HDLBP: variants seen among roughly 807,000 people sequenced by gnomAD.
HDLBP encodes the protein high density lipoprotein binding protein.
HDLBP carries 30 observed loss-of-function variants against 137.3 expected under a neutral mutation model. That is an observed-to-expected ratio of 0.22 (90% CI 0.16 to 0.30). The LOEUF (loss-of-function observed/expected upper bound fraction) is 0.30. Ranked by LOEUF, HDLBP falls within the 10% of genes least tolerant of loss-of-function variation. The probability of loss-of-function intolerance (pLI) is 1.00; values close to 1 mark genes in which losing one functional copy is unlikely to be tolerated. For synonymous variants in HDLBP, 606 were observed against 596.0 expected (o/e 1.02, Z -0.24); for missense variants, 1,119 against 1,667.3 (o/e 0.67, Z 5.73).
At chr2:241,282,614 A>C (rs972660189) in intron 1 of HDLBP, among the ~76,000 whole-genome samples, 1 of 152,228 alleles carries the variant, frequency 6.6e-6, no homozygotes, top group Non-Finnish European at 1.5e-5. Context: ...CCTCTTTTCC[A>C]ACAGCACATT....
chr2:241,283,962 G>A (rs2074709484), intron 1 of HDLBP, among the ~76,000 whole-genome samples: 1 of 151,792 alleles, frequency 6.6e-6, no homozygotes, highest in African/African-American at 2.4e-5. Context: ...AAGCCTGGAT[G>A]ACAGCACATC....
chr2:241,283,241 T>C (rs910941385), intron 1 of HDLBP, among the ~76,000 whole-genome samples: 4 of 152,200 alleles, frequency 2.6e-5, no homozygotes, highest in Non-Finnish European at 5.9e-5. Flanking sequence ...GTGAGGAAGC[T>C]GCAGGAAAAA....
Position 241,230,314 on chromosome 2 carries a change from A to G in HDLBP, c.3475-45T>C. ...TCAGATGAGGGGACTCCAAGCGAGG[A>G]AAAGGGTTAAAATTATGTGTCAATT... On this transcript the variant is annotated intron_variant, in intron 25 of 27. Coordinates refer to ENST00000310931, the MANE Select transcript of HDLBP (RefSeq NM_005336.6). The surrounding 1 kb of genome is among the most constrained non-coding windows in gnomAD (Gnocchi z 5.0). The G allele has an allele frequency of 8.8e-7, 1 of 1,141,098 alleles. No homozygotes were observed. Among genetic ancestry groups the G allele is most frequent in the Non-Finnish European group, 1.3e-6 (1 of 789,194 alleles). 70.7% of individuals were successfully genotyped at this position (1,141,098 alleles called of 1,614,324 possible).
intron 1 of HDLBP, among the ~76,000 whole-genome samples, chr2:241,297,857 G>A (rs1185780276): frequency 1.3e-5 from 2 of 151,606 alleles, no homozygotes; most frequent in South Asian, 2.1e-4. Flanking sequence ...GTTCAAGACC[G>A]GCCAACATGG....
intron 11 of HDLBP, among the ~76,000 whole-genome samples, 180 bp downstream of exon 11, chr2:241,252,777 C>T (rs565402058): frequency 6.6e-6 from 1 of 152,296 alleles, no homozygotes; most frequent in East Asian, 1.9e-4. Context: ...AACCACTGCA[C>T]CAAAGGGAAA....
intron 13 of HDLBP, 22 bp downstream of exon 13, chr2:241,248,222 G>T (rs1269942393): frequency 1.3e-6 from 2 of 1,591,126 alleles, no homozygotes; most frequent in Non-Finnish European, 1.7e-6. Flanking sequence ...TAGAGTTACA[G>T]AATGTCTCTG....
In HDLBP at chr2:241,229,295, C is replaced by T; in HGVS notation, c.*306G>A. ...ATCCTAGCCACGGCTGCGGAGCTCT[C>T]GTGATGAAGGCCAGAGTGCTGACTG... On this transcript the variant is annotated 3_prime_UTR_variant, in exon 28 of 28. Coordinates refer to ENST00000310931, the MANE Select transcript of HDLBP (RefSeq NM_005336.6). 2 of 316,696 alleles carry T rather than the reference C, an allele frequency of 6.3e-6. No individual in the cohort carries two copies. The highest frequency in any genetic ancestry group is 8.7e-5 in the East Asian group (1 of 11,454). 19.6% of individuals were successfully genotyped at this position (316,696 alleles called of 1,614,324 possible).
Position 241,242,863 on chromosome 2 carries a change from C to G in HDLBP, c.1951-185G>C, listed in dbSNP as rs1559492575. On this transcript the variant is annotated intron_variant, in intron 16 of 27. Transcript: ENST00000310931. ...GACCTGCACGGGGGAGGAGAGTGCA[C>G]GTCCTGGGGAGAGTGGGGTGCGCCC... 4 of 609,728 alleles carry G rather than the reference C, an allele frequency of 6.6e-6. No individual in the cohort carries two copies. In the Admixed American group the frequency reaches 8.1e-5, roughly 12 times the overall value. The allele number at this position is 609,728 out of a possible 1,614,324, so 37.8% of individuals were successfully genotyped here. A position where few individuals can be genotyped will look rare whatever the true frequency, so the allele number is the denominator to read the frequency against.
chr2:241,267,822 G>A (rs943961270), intron 2 of HDLBP: 28 of 1,460,146 alleles, frequency 1.9e-5, no homozygotes, highest in Non-Finnish European at 2.3e-5. Flanking sequence ...CCCTCCAGGT[G>A]TGGGACAGAA....
Position 241,238,591 on chromosome 2 carries a change from C to G in HDLBP, c.2749+58G>C. 1 of 1,350,188 alleles carries G rather than the reference C, an allele frequency of 7.4e-7. No individual in the cohort carries two copies. The highest frequency in any genetic ancestry group is 9.9e-7 in the Non-Finnish European group (1 of 1,007,110). 83.6% of individuals were successfully genotyped at this position (1,350,188 alleles called of 1,614,324 possible). A position where few individuals can be genotyped will look rare whatever the true frequency, so the allele number is the denominator to read the frequency against. On this transcript the variant is annotated intron_variant, in intron 20 of 27. Coordinates refer to ENST00000310931, the MANE Select transcript of HDLBP (RefSeq NM_005336.6). This position sits in a 1 kb window ranked among gnomAD's most constrained non-coding sequence, Gnocchi z 4.9. ...CTCACCAGTATGTGCGACAGCCCCG[C>G]CTCTCACATGGGAGGCGCCACTATT...
chr2:241,267,089 G>A (rs1231223733), intron 2 of HDLBP, among the ~76,000 whole-genome samples, 183 bp from the exon 3 acceptor site: 2 of 152,114 alleles, frequency 1.3e-5, no homozygotes, highest in Non-Finnish European at 2.9e-5. Context: ...TAAAAAGGGG[G>A]GAAAATGCAA....
intron 1 of HDLBP, among the ~76,000 whole-genome samples, chr2:241,284,313 T>C (rs1466577050): frequency 1.3e-5 from 2 of 152,022 alleles, no homozygotes; most frequent in African/African-American, 4.8e-5. Context: ...TGCCATGACT[T>C]TGAGGGGTTC....
At chr2:241,261,194 C>CAAAA (rs5839776) in intron 5 of HDLBP, among the ~76,000 whole-genome samples, 2,174 of 106,476 alleles carry the variant, frequency 0.02, 202 homozygotes, top group Admixed American at 0.16. Flanking sequence ...GATCCTGTCT[C>CAAAA]AAAAAAAAAA....
At chr2:241,279,945 G>A in intron 1 of HDLBP, 1 of 985,426 alleles carries the variant, frequency 1.0e-6, no homozygotes, top group Non-Finnish European at 1.2e-6. Context: ...CTTATCACCT[G>A]ACAGGAACCC....
At chr2:241,242,795 A>G (rs901037309) in intron 16 of HDLBP, 117 bp from the exon 17 acceptor site, 14 of 905,596 alleles carry the variant, frequency 1.5e-5, no homozygotes, top group Non-Finnish European at 2.1e-5. Context: ...AGCCCTGGAG[A>G]TGCCACTTAC....
At chr2:241,281,356 A>AAAAT (rs1275405179) in intron 1 of HDLBP, among the ~76,000 whole-genome samples, 14 of 151,082 alleles carry the variant, frequency 9.3e-5, no homozygotes, top group African/African-American at 2.2e-4. Context: ...CTCCGTCTTA[A>AAAAT]AAATAAATAA....
intron 1 of HDLBP, among the ~76,000 whole-genome samples, chr2:241,309,666 CA>C (rs1215987569): frequency 2.0e-5 from 3 of 152,222 alleles, no homozygotes; most frequent in Non-Finnish European, 4.4e-5. Context: ...CACACAGAGC[CA>C]ACCTGCACAG....
At chr2:241,268,905 A>C (rs987512653) in intron 1 of HDLBP, 1 of 152,046 alleles carries the variant, frequency 6.6e-6, no homozygotes, top group African/African-American at 2.4e-5. Flanking sequence ...ACCCCACATA[A>C]CCGCTGGGCG....
chr2:241,254,315 C>T (rs936875782), intron 9 of HDLBP, among the ~76,000 whole-genome samples: 3 of 151,980 alleles, frequency 2.0e-5, no homozygotes, highest in African/African-American at 7.3e-5. Context: ...AGGACTGTAA[C>T]ATTAATTGGA....
Sources: allele counts gnomAD v4.1 joint callset (sites outside exome capture counted in the v4.1 genomes callset), GRCh38; gene constraint gnomAD v4.1.1; non-coding constraint Gnocchi (gnomAD v3.1); transcripts MANE v1.5; gene names NCBI Gene and HGNC (gene_info 2026-07-23, HGNC 2026-07-21).